Variants in DGKI observed in about 807,000 individuals in gnomAD.
The protein encoded by DGKI is DAG kinase iota.
A neutral mutation model predicts 147.5 loss-of-function variants in DGKI; 55 were observed. The ratio of observed to expected loss-of-function variants is 0.37; its 90% CI spans 0.30 to 0.47. The LOEUF (loss-of-function observed/expected upper bound fraction) is 0.47. Among genes scored for constraint, DGKI ranks in the 20% least tolerant of loss-of-function variants. The probability of loss-of-function intolerance (pLI) is 1.00; values close to 1 mark genes in which losing one functional copy is unlikely to be tolerated. For synonymous variants in DGKI, 469 were observed against 477.1 expected, an observed-to-expected ratio of 0.98 and a Z score of 0.22; for missense variants, 1,007 against 1,323.8, an observed-to-expected ratio of 0.76 and a Z score of 3.71.
intron 28 of DGKI, among the ~76,000 whole-genome samples, chr7:137,430,479 C>T (rs1813022850): frequency 6.6e-6 from 1 of 151,726 alleles, no homozygotes; most frequent in South Asian, 2.1e-4. Flanking sequence ...GGGTGCAGCA[C>T]ACCAGCATGG....
chr7:137,491,578 C>T (rs1815764229), intron 21 of DGKI, among the ~76,000 whole-genome samples: 1 of 152,152 alleles, frequency 6.6e-6, no homozygotes, highest in Non-Finnish European at 1.5e-5. Context: ...ATCTTCCTAT[C>T]CTGATAAATA....
In DGKI at chr7:137,459,642, T is replaced by G. The variant is rs573644085; in HGVS notation, c.2735+3847A>C. 7.9e-5 allele frequency among the ~76,000 whole-genome samples: 12 copies of G among 151,524 alleles called. No individual in the cohort carries two copies. In the South Asian group the frequency reaches 1.5e-3, roughly 18 times the overall value. On this transcript the variant is annotated intron_variant, in intron 27 of 32. Transcript: ENST00000614521. Reference sequence around the variant, plus strand: ...GGCGCCCGCCACCACGCCCGGCTAATTTTTTGTATTTTTAGTAGAGACGGG... The same window carrying G: ...GGCGCCCGCCACCACGCCCGGCTAAGTTTTTGTATTTTTAGTAGAGACGGG...
intron 17 of DGKI, among the ~76,000 whole-genome samples, chr7:137,573,299 G>C (rs190034196): frequency 5.3e-4 from 81 of 152,220 alleles, no homozygotes; most frequent in Middle Eastern, 6.8e-3. Context: ...CGTTTTTTGA[G>C]ACAATTTTTA....
At chr7:137,541,981 A>T (rs1437819441) in intron 20 of DGKI, among the ~76,000 whole-genome samples, 1 of 152,194 alleles carries the variant, frequency 6.6e-6, no homozygotes, top group Non-Finnish European at 1.5e-5. Context: ...CTGGGAGAGA[A>T]TGTCTGCAAA....
At chr7:137,793,713 T>C (rs1271373211) in intron 1 of DGKI, among the ~76,000 whole-genome samples, 1 of 152,212 alleles carries the variant, frequency 6.6e-6, no homozygotes, top group African/African-American at 2.4e-5. Flanking sequence ...TTTCTTCAAC[T>C]TTTTTTCTCC....
At chr7:137,621,779 T>C (rs993637652) in intron 7 of DGKI, among the ~76,000 whole-genome samples, 4 of 152,144 alleles carry the variant, frequency 2.6e-5, no homozygotes, top group Admixed American at 6.5e-5. Context: ...TAAAGTGGGA[T>C]TGAGTTTCCA....
At chr7:137,552,928 G>A (rs1723122) in intron 19 of DGKI, among the ~76,000 whole-genome samples, 16,619 of 151,904 alleles carry the variant, frequency 0.11, 2,050 homozygotes, top group African/African-American at 0.3. Context: ...GAAAAAAAAG[G>A]AAAAGAAAGC....
chr7:137,660,857 A>G (rs563067413), intron 3 of DGKI, among the ~76,000 whole-genome samples: 9 of 150,042 alleles, frequency 6.0e-5, no homozygotes, highest in African/African-American at 2.2e-4. Flanking sequence ...GGGAAAGGGT[A>G]GGAGAGAAGG....
intron 18 of DGKI, among the ~76,000 whole-genome samples, chr7:137,571,898 C>A (rs1818806065): frequency 6.6e-6 from 1 of 152,066 alleles, no homozygotes; most frequent in Non-Finnish European, 1.5e-5. Flanking sequence ...AGAGGAAGGA[C>A]AAGAGAAAGA....
At chr7:137,664,010 C>A (rs143451491) in intron 3 of DGKI, among the ~76,000 whole-genome samples, 20 of 152,240 alleles carry the variant, frequency 1.3e-4, no homozygotes, top group Non-Finnish European at 2.4e-4. Flanking sequence ...TCGTAATAAG[C>A]AATCCCAAAA....
chr7:137,694,939 A>G (rs1465729091), intron 1 of DGKI, among the ~76,000 whole-genome samples: 2 of 152,196 alleles, frequency 1.3e-5, no homozygotes, highest in East Asian at 3.8e-4. Context: ...ATGAACTCAA[A>G]GTACTTTTTG....
chr7:137,473,950 A>C (rs774287402), intron 23 of DGKI, among the ~76,000 whole-genome samples: 1 of 152,196 alleles, frequency 6.6e-6, no homozygotes, highest in Non-Finnish European at 1.5e-5. Context: ...TTAAACTTCA[A>C]TTTTGGGAGT....
chr7:137,589,113 T>G (rs1180200873), intron 12 of DGKI, among the ~76,000 whole-genome samples: 6 of 152,216 alleles, frequency 3.9e-5, no homozygotes, highest in Non-Finnish European at 5.9e-5. Flanking sequence ...CCTGTGGAGA[T>G]GAAGAAACCT....
chr7:137,556,599 A>G (rs758739541), intron 19 of DGKI, among the ~76,000 whole-genome samples: 1 of 152,176 alleles, frequency 6.6e-6, no homozygotes, highest in African/African-American at 2.4e-5. Context: ...GCCATTTACA[A>G]TATCAACAAA....
intron 1 of DGKI, among the ~76,000 whole-genome samples, chr7:137,834,572 T>C (rs1266328306): frequency 6.6e-6 from 1 of 152,194 alleles, no homozygotes; most frequent in Non-Finnish European, 1.5e-5. Flanking sequence ...AAGACAAGCT[T>C]CCCAGCATCC....
At chr7:137,774,297 T>A (rs1796296506) in intron 1 of DGKI, among the ~76,000 whole-genome samples, 1 of 152,100 alleles carries the variant, frequency 6.6e-6, no homozygotes, top group South Asian at 2.1e-4. Context: ...TTTTCCCAAC[T>A]GTTTTAAAAA....
At chr7:137,619,395 A>G (rs1375706385) in intron 8 of DGKI, among the ~76,000 whole-genome samples, 5 of 152,214 alleles carry the variant, frequency 3.3e-5, no homozygotes, top group African/African-American at 1.2e-4. Context: ...TCTGCCTTCC[A>G]GGTTGGAAGT....
At chr7:137,790,325 G>T (rs1796813701) in intron 1 of DGKI, among the ~76,000 whole-genome samples, 1 of 151,864 alleles carries the variant, frequency 6.6e-6, no homozygotes, top group Admixed American at 6.6e-5. Context: ...CAAAGCCAGA[G>T]AAAAGGGATC....
At chr7:137,524,554 ATTT>A (rs1817075799) in intron 20 of DGKI, among the ~76,000 whole-genome samples, 1 of 152,110 alleles carries the variant, frequency 6.6e-6, no homozygotes, top group East Asian at 1.9e-4. Context: ...TTCACATTAG[ATTT>A]TTATCCCCAA....
Sources: allele counts gnomAD v4.1 joint callset (sites outside exome capture counted in the v4.1 genomes callset), GRCh38; gene constraint gnomAD v4.1.1; transcripts MANE v1.5; gene names NCBI Gene and HGNC (gene_info 2026-07-23, HGNC 2026-07-21).